CABLES1: variants seen among roughly 807,000 people sequenced by gnomAD.
The protein encoded by CABLES1 is CDK5 and ABL1 enzyme substrate 1.
A neutral mutation model predicts 57.8 loss-of-function variants in CABLES1; 36 were observed. That is an observed-to-expected ratio of 0.62 (90% CI 0.48 to 0.82). CABLES1 has a LOEUF of 0.82. Among genes scored for constraint, CABLES1 ranks in the 40% least tolerant of loss-of-function variants. The pLI, the probability that CABLES1 is intolerant of heterozygous loss-of-function variation, is 0.00. For missense variants in CABLES1, 767 were observed against 836.6 expected, an observed-to-expected ratio of 0.92 and a Z score of 1.03; for synonymous variants, 374 against 363.0, an observed-to-expected ratio of 1.03 and a Z score of -0.35.
intron 1 of CABLES1, among the ~76,000 whole-genome samples, chr18:23,180,230 T>C (rs1194283850): frequency 6.6e-6 from 1 of 151,860 alleles, no homozygotes; most frequent in East Asian, 1.9e-4. Flanking sequence ...CAACAGTTTG[T>C]TTTTTTTAAG....
chr18:23,208,415 C>G (rs988428310), intron 3 of CABLES1, among the ~76,000 whole-genome samples: 8 of 152,182 alleles, frequency 5.3e-5, no homozygotes, highest in African/African-American at 1.9e-4. Context: ...ATGCCATTGC[C>G]AGCTCTTCAG....
At chr18:23,172,881 C>T (rs926542538) in intron 1 of CABLES1, among the ~76,000 whole-genome samples, 1 of 152,190 alleles carries the variant, frequency 6.6e-6, no homozygotes. Context: ...CTGCTAAGGC[C>T]GATGGAAGCA....
chr18:23,175,511 C>T (rs1221782194), intron 1 of CABLES1, among the ~76,000 whole-genome samples: 4 of 152,240 alleles, frequency 2.6e-5, no homozygotes, highest in African/African-American at 9.6e-5. Context: ...TTGCGTCTTA[C>T]TTTGTCACCC....
chr18:23,219,733 C>T (rs546366987), intron 4 of CABLES1, among the ~76,000 whole-genome samples: 10 of 152,174 alleles, frequency 6.6e-5, no homozygotes, highest in Non-Finnish European at 1.3e-4. Flanking sequence ...CTACAAGGAC[C>T]CTGTGAGTGC....
chr18:23,225,368 A>G (rs12961014), intron 4 of CABLES1, among the ~76,000 whole-genome samples: 1 of 152,236 alleles, frequency 6.6e-6, no homozygotes, highest in Admixed American at 6.5e-5. Flanking sequence ...AAGGAAGATA[A>G]CAATTATTGA....
intron 1 of CABLES1, among the ~76,000 whole-genome samples, chr18:23,176,765 G>A (rs746602296): frequency 1.8e-4 from 28 of 152,152 alleles, no homozygotes; most frequent in Non-Finnish European, 3.4e-4. Flanking sequence ...CCATCAATCC[G>A]ATTTTGCTAT....
intron 1 of CABLES1, among the ~76,000 whole-genome samples, chr18:23,185,397 T>C (rs906656123): frequency 1.3e-5 from 2 of 151,988 alleles, no homozygotes; most frequent in African/African-American, 4.8e-5. Flanking sequence ...CTGGTGGCCG[T>C]CCCATGGATC....
At chr18:23,182,627 A>G (rs769249601) in intron 1 of CABLES1, among the ~76,000 whole-genome samples, 2 of 152,234 alleles carry the variant, frequency 1.3e-5, no homozygotes, top group South Asian at 2.1e-4. Flanking sequence ...GACAGCGTTG[A>G]GAGCATCAAT....
intron 7 of CABLES1, among the ~76,000 whole-genome samples, chr18:23,251,435 A>G (rs1459750403): frequency 6.6e-6 from 1 of 152,132 alleles, no homozygotes; most frequent in Non-Finnish European, 1.5e-5. Flanking sequence ...TGGGCAACAG[A>G]GCATGACTCC....
intron 3 of CABLES1, among the ~76,000 whole-genome samples, chr18:23,205,148 G>A (rs1048489748): frequency 3.3e-5 from 5 of 152,010 alleles, no homozygotes; most frequent in African/African-American, 1.2e-4. Flanking sequence ...CTGAGCAGGA[G>A]GGGAGGGAAT....
chr18:23,167,228 A>T (rs2047049070), intron 1 of CABLES1, among the ~76,000 whole-genome samples: 2 of 152,108 alleles, frequency 1.3e-5, no homozygotes, highest in Admixed American at 1.3e-4. Context: ...TAAAAAAAAA[A>T]TGAAAACTTT....
At chr18:23,237,464 T>A (rs1005513707) in intron 7 of CABLES1, among the ~76,000 whole-genome samples, 5 of 152,250 alleles carry the variant, frequency 3.3e-5, no homozygotes, top group Admixed American at 6.5e-5. Flanking sequence ...GGGCTGCCAG[T>A]GTCCACAAAG....
chr18:23,202,766 C>T (rs2145037902), intron 3 of CABLES1, among the ~76,000 whole-genome samples: 1 of 152,132 alleles, frequency 6.6e-6, no homozygotes, highest in Non-Finnish European at 1.5e-5. Context: ...GCAGGCAGAT[C>T]ATGAGGTCAG....
intron 1 of CABLES1, among the ~76,000 whole-genome samples, chr18:23,146,117 T>A (rs2046890121): frequency 6.6e-6 from 1 of 152,248 alleles, no homozygotes; most frequent in Admixed American, 6.5e-5. Flanking sequence ...TTTAAAGCAC[T>A]TTACTCATTG....
chr18:23,237,290 G>T (rs770353353), intron 7 of CABLES1, 45 bp downstream of exon 7: 1 of 1,350,580 alleles, frequency 7.4e-7, no homozygotes, highest in Admixed American at 1.7e-5. Flanking sequence ...ACCGTCAGTT[G>T]CCCCACCTGG....
Position 23,189,539 on chromosome 18 carries a change from C to T in CABLES1, c.917+630C>T, listed in dbSNP as rs560485197. Reference sequence around the variant, plus strand: ...GAGTGCACTCAGGTGTACTGCACCCCCTTCCATCCTCACTGCAGCCCTGAG... The same window carrying T: ...GAGTGCACTCAGGTGTACTGCACCCTCTTCCATCCTCACTGCAGCCCTGAG... On this transcript the variant is annotated intron_variant, in intron 2 of 9. Transcript: ENST00000256925. Among the ~76,000 whole-genome samples, 4 of 152,306 alleles carry T rather than the reference C, an allele frequency of 2.6e-5. No individual in the cohort carries two copies. In the South Asian group the frequency reaches 8.3e-4, roughly 32 times the overall value.
At chr18:23,245,372 G>C (rs938147222) in intron 7 of CABLES1, among the ~76,000 whole-genome samples, 1 of 152,046 alleles carries the variant, frequency 6.6e-6, no homozygotes, top group Non-Finnish European at 1.5e-5. Flanking sequence ...ATAGCCAGGC[G>C]TGGTGGCGTG....
At chr18:23,249,459 G>GA (rs2047984442) in intron 7 of CABLES1, among the ~76,000 whole-genome samples, 1 of 152,188 alleles carries the variant, frequency 6.6e-6, no homozygotes, top group African/African-American at 2.4e-5. Flanking sequence ...TTGGCACATA[G>GA]AAATCAGCTG....
chr18:23,258,603 G>A lies in CABLES1; in HGVS notation c.*1236G>A, dbSNP rs2048223388. ...ACCAGCTGAAGTTCCCCTGACTGAA[G>A]AGAGCCTGTGGCCATGTAAAAAGAG... On this transcript the variant is annotated 3_prime_UTR_variant, in exon 10 of 10. Transcript: ENST00000256925. The A allele has an allele frequency of 6.6e-6, 1 of 152,244 alleles. No individual in the cohort carries two copies. 9.4% of individuals were successfully genotyped at this position (152,244 alleles called of 1,614,324 possible). A position where few individuals can be genotyped will look rare whatever the true frequency, so the allele number is the denominator to read the frequency against.
Sources: gnomAD v4.1 joint callset for allele counts (sites outside exome capture counted in the v4.1 genomes callset) on GRCh38, gnomAD v4.1.1 for gene constraint, MANE v1.5 for transcripts, NCBI Gene and HGNC (gene_info 2026-07-23, HGNC 2026-07-21) for gene names.